ADK: variants seen among roughly 807,000 people sequenced by gnomAD.
The protein encoded by ADK is N6,N6-dimethyladenosine kinase.
In ADK, 24 loss-of-function variants were observed where a neutral mutation model predicts 44.7. The observed-to-expected ratio is 0.54, with a 90% confidence interval of 0.39 to 0.76. ADK has a LOEUF of 0.76. Among genes scored for constraint, ADK ranks in the 30% least tolerant of loss-of-function variants. The probability of loss-of-function intolerance (pLI) is 0.00; values close to 1 mark genes in which losing one functional copy is unlikely to be tolerated. For synonymous variants in ADK, 128 were observed against 142.6 expected (o/e 0.90, Z 0.73); for missense variants, 321 against 425.1 (o/e 0.76, Z 2.15).
At chr10:74,338,258 T>C (rs11001002) in intron 4 of ADK, among the ~76,000 whole-genome samples, 98,085 of 152,126 alleles carry the variant, frequency 0.64, 32,942 homozygotes, top group Middle Eastern at 0.79. Flanking sequence ...CATACATATG[T>C]GGATAGCGAA....
intron 6 of ADK, chr10:74,423,771 A>G: frequency 5.2e-6 from 2 of 384,804 alleles, no homozygotes; most frequent in Admixed American, 6.0e-5. Context: ...TGGTGATTTC[A>G]TAGTACATGG....
intron 4 of ADK, among the ~76,000 whole-genome samples, chr10:74,359,404 G>A (rs1204977388): frequency 1.3e-5 from 2 of 152,060 alleles, no homozygotes; most frequent in East Asian, 3.9e-4. Context: ...AGCTCACTTT[G>A]GTTAGTAAAG....
chr10:74,670,065 T>G, intron 9 of ADK, 118 bp from the exon 10 acceptor site: 1 of 818,228 alleles, frequency 1.2e-6, no homozygotes, highest in Non-Finnish European at 2.1e-6. Context: ...AATATGGAGC[T>G]TATGTCCTGT....
chr10:74,456,327 AT>A (rs1167806751), intron 6 of ADK, among the ~76,000 whole-genome samples: 1 of 152,136 alleles, frequency 6.6e-6, no homozygotes, highest in African/African-American at 2.4e-5. Context: ...AATAGAAATC[AT>A]AAAAAACACT....
At chr10:74,176,727 G>A in intron 1 of ADK, 1 of 1,493,642 alleles carries the variant, frequency 6.7e-7, no homozygotes, top group African/African-American at 1.4e-5. Flanking sequence ...CTAGCCAGGG[G>A]CCGCCCGCGC....
In ADK at chr10:74,461,696, A is replaced by G. The variant is rs192004225; in HGVS notation, c.555+63117A>G. ...CTAAGCTAGATTTATCTTTACAGGT[A>G]CTAGACTTTATAGAACTAATGGTAA... On this transcript the variant is annotated intron_variant, in intron 6 of 10. Transcript: ENST00000539909. Among the ~76,000 whole-genome samples, 3 of 152,228 alleles carry G rather than the reference A, an allele frequency of 2.0e-5. No homozygotes were observed. The East Asian group carries it at 5.8e-4, about 29-fold the overall frequency.
intron 6 of ADK, among the ~76,000 whole-genome samples, chr10:74,505,767 A>G (rs1485366718): frequency 1.3e-5 from 2 of 152,018 alleles, no homozygotes; most frequent in African/African-American, 4.8e-5. Flanking sequence ...AATCTTTTCT[A>G]TAGATTACCA....
intron 3 of ADK, among the ~76,000 whole-genome samples, chr10:74,308,880 C>G (rs977141636): frequency 6.6e-6 from 1 of 151,960 alleles, no homozygotes; most frequent in Non-Finnish European, 1.5e-5. Flanking sequence ...TCTCTCCTTC[C>G]CTCCCACCCC....
intron 3 of ADK, among the ~76,000 whole-genome samples, chr10:74,302,118 T>G (rs796733976): frequency 0.34 from 18,943 of 55,500 alleles, 3,809 homozygotes; most frequent in Middle Eastern, 0.41. Context: ...TGTTTTTTTT[T>G]TTTTTTTTTT....
intron 3 of ADK, among the ~76,000 whole-genome samples, chr10:74,260,688 A>G (rs377489041): frequency 2.6e-5 from 4 of 152,236 alleles, no homozygotes; most frequent in African/African-American, 9.6e-5. Context: ...TTATTTTTAA[A>G]CTTCAAATAA....
intron 6 of ADK, among the ~76,000 whole-genome samples, chr10:74,406,517 TAATAATAATAAGAAGAAGAAG>T (rs1433947044): frequency 3.4e-4 from 18 of 52,182 alleles, no homozygotes; most frequent in African/African-American, 1.1e-3. Flanking sequence ...ATAATAATAA[TAATAATAATAAGAAGAAGAAG>T]AAGAAGAAGA....
At chr10:74,571,912 G>A (rs185720561) in intron 7 of ADK, among the ~76,000 whole-genome samples, 2 of 152,136 alleles carry the variant, frequency 1.3e-5, no homozygotes, top group Admixed American at 6.5e-5. Context: ...CACGTGAGAT[G>A]GGTTTCCTGA....
At chr10:74,251,350 TGTTA>T (rs1005727262) in intron 3 of ADK, among the ~76,000 whole-genome samples, 1 of 152,204 alleles carries the variant, frequency 6.6e-6, no homozygotes, top group African/African-American at 2.4e-5. Context: ...ATCCTCAGTT[TGTTA>T]TTTATCATAT....
intron 6 of ADK, among the ~76,000 whole-genome samples, chr10:74,441,817 A>G (rs1395596351): frequency 6.6e-6 from 1 of 152,210 alleles, no homozygotes; most frequent in Non-Finnish European, 1.5e-5. Flanking sequence ...TATATGATAA[A>G]AGGTTAATTA....
At chr10:74,194,022 G>A (rs536192181) in intron 1 of ADK, among the ~76,000 whole-genome samples, 204 of 152,086 alleles carry the variant, frequency 1.3e-3, no homozygotes, top group Non-Finnish European at 2.1e-3. Flanking sequence ...TGGGAGGGAG[G>A]GATGCAGTGC....
At chr10:74,388,407 G>A (rs1197402903) in intron 4 of ADK, among the ~76,000 whole-genome samples, 8 of 152,120 alleles carry the variant, frequency 5.3e-5, no homozygotes, top group African/African-American at 1.7e-4. Flanking sequence ...AAAATCCATT[G>A]AGAGTTTGGT....
At chr10:74,262,451 G>T (rs1260599980) in intron 3 of ADK, among the ~76,000 whole-genome samples, 3 of 152,120 alleles carry the variant, frequency 2.0e-5, no homozygotes, top group South Asian at 2.1e-4. Flanking sequence ...AGAGGGTGGG[G>T]CAGGGAAGGC....
intron 6 of ADK, among the ~76,000 whole-genome samples, chr10:74,463,591 C>A (rs761221526): frequency 3.9e-5 from 6 of 152,188 alleles, no homozygotes; most frequent in Non-Finnish European, 8.8e-5. Flanking sequence ...GCACATCTGG[C>A]ACTCACCTCC....
At chr10:74,293,709 T>C (rs998187027) in intron 3 of ADK, among the ~76,000 whole-genome samples, 1 of 152,248 alleles carries the variant, frequency 6.6e-6, no homozygotes, top group African/African-American at 2.4e-5. Flanking sequence ...TAGTAGGTTT[T>C]TGGATAAATT....
Sources: allele counts gnomAD v4.1 joint callset (sites outside exome capture counted in the v4.1 genomes callset), GRCh38; gene constraint gnomAD v4.1.1; transcripts MANE v1.5; gene names NCBI Gene and HGNC (gene_info 2026-07-23, HGNC 2026-07-21).